Variants in GPHN observed in about 807,000 individuals in gnomAD.
The protein encoded by GPHN is gephyrin.
A neutral mutation model predicts 95.5 loss-of-function variants in GPHN; 17 were observed. The ratio of observed to expected loss-of-function variants is 0.18; its 90% CI spans 0.12 to 0.27. The LOEUF (loss-of-function observed/expected upper bound fraction) is 0.27, where lower values mean the gene tolerates loss of function less well. Among genes scored for constraint, GPHN ranks in the 10% least tolerant of loss-of-function variants. The pLI is 1.00. For missense variants in GPHN, 660 were observed against 978.1 expected (o/e 0.67, Z 4.34); for synonymous variants, 320 against 322.5 (o/e 0.99, Z 0.08).
At chr14:66,650,221 A>C (rs987546126) in intron 1 of GPHN, among the ~76,000 whole-genome samples, 11 of 152,204 alleles carry the variant, frequency 7.2e-5, no homozygotes, top group African/African-American at 2.4e-4. Context: ...GGCTGTCCAA[A>C]GCCATGAAAC....
At chr14:67,316,728 A>G in the GPHN span, 7 of 832,370 alleles carry the variant, frequency 8.4e-6, no homozygotes, top group Non-Finnish European at 9.2e-6. Context: ...GGAAGGGAAT[A>G]TAAGTGAAGA....
chr14:66,878,111 A>G (rs1192457236), intron 4 of GPHN, among the ~76,000 whole-genome samples: 1 of 152,208 alleles, frequency 6.6e-6, no homozygotes, highest in East Asian at 1.9e-4. Context: ...CCTGATAAAA[A>G]CAAGCAATGG....
the GPHN span, among the ~76,000 whole-genome samples, chr14:67,236,598 G>A: frequency 6.6e-6 from 1 of 152,250 alleles, no homozygotes; most frequent in South Asian, 2.1e-4. Flanking sequence ...AATTACACTG[G>A]TGCAGATAGT....
chr14:66,987,998 C>G (rs1183841127), intron 9 of GPHN, among the ~76,000 whole-genome samples: 1 of 152,064 alleles, frequency 6.6e-6, no homozygotes, highest in African/African-American at 2.4e-5. Flanking sequence ...GATACTCTCT[C>G]AGAGTAAATG....
At chr14:67,657,718 G>T in the GPHN span, among the ~76,000 whole-genome samples, 1 of 151,280 alleles carries the variant, frequency 6.6e-6, no homozygotes, top group Non-Finnish European at 1.5e-5. Flanking sequence ...TTGGCTCCCA[G>T]AACAGAAGTA....
intron 1 of GPHN, among the ~76,000 whole-genome samples, chr14:66,667,850 A>T (rs2066058012): frequency 6.6e-6 from 1 of 152,258 alleles, no homozygotes; most frequent in Non-Finnish European, 1.5e-5. Context: ...CAGAGTAAAT[A>T]GACAACCTAC....
At chr14:67,533,492 A>G in the GPHN span, 95,489 of 151,700 alleles carry the variant, frequency 0.63, 30,419 homozygotes, top group Non-Finnish European at 0.67. Flanking sequence ...CCTCGGGCCC[A>G]GAGGACGATC....
Position 66,725,993 on chromosome 14 carries a change from C to T in GPHN, c.143+44808C>T, listed in dbSNP as rs532526286. Among the ~76,000 whole-genome samples, 3 of 149,406 alleles carry T rather than the reference C, an allele frequency of 2.0e-5. No homozygotes were observed. The East Asian group carries it at 5.8e-4, about 29-fold the overall frequency. On this transcript the variant is annotated intron_variant, in intron 2 of 22. Coordinates refer to ENST00000478722, the MANE Select transcript of GPHN (RefSeq NM_020806.5). ...GCATAGTAATTGTTATTTTCATAAT[C>T]TCTAAATCAGTTTCTTCTGGGTTCT...
the GPHN span, among the ~76,000 whole-genome samples, chr14:67,370,176 G>C: frequency 6.6e-6 from 1 of 152,338 alleles, no homozygotes; most frequent in South Asian, 2.1e-4. Flanking sequence ...TGCCCTGGGC[G>C]GGCCAGGTGT....
chr14:67,642,166 C>T, the GPHN span: 1 of 1,610,372 alleles, frequency 6.2e-7, no homozygotes, highest in Non-Finnish European at 8.5e-7. Flanking sequence ...TTCATCTTGT[C>T]ATCCCTCATT....
the GPHN span, among the ~76,000 whole-genome samples, chr14:67,329,242 G>C: frequency 6.6e-6 from 1 of 152,156 alleles, no homozygotes; most frequent in Non-Finnish European, 1.5e-5. Flanking sequence ...TGTAGCAATT[G>C]TGAATGGGAG....
At chr14:66,795,122 A>G (rs2060110534) in intron 3 of GPHN, among the ~76,000 whole-genome samples, 1 of 152,218 alleles carries the variant, frequency 6.6e-6, no homozygotes, top group Non-Finnish European at 1.5e-5. Flanking sequence ...ATAGAGAGGC[A>G]CACTATCTTA....
chr14:67,068,591 G>A (rs1415233190), intron 11 of GPHN, among the ~76,000 whole-genome samples: 2 of 152,116 alleles, frequency 1.3e-5, no homozygotes, highest in Non-Finnish European at 1.5e-5. Flanking sequence ...GAAAAACTAT[G>A]AGCTTTTTTT....
intron 2 of GPHN, chr14:66,760,501 A>G (rs142427347): frequency 1.3e-4 from 29 of 217,110 alleles, no homozygotes; most frequent in South Asian, 4.7e-4. Context: ...AATAATTACA[A>G]TGGGTTGGTG....
At chr14:67,384,498 T>G in the GPHN span, 1 of 152,154 alleles carries the variant, frequency 6.6e-6, no homozygotes, top group African/African-American at 2.4e-5. Context: ...TGAGTTGCTT[T>G]GGTCTGCTTG....
rs2060110509 is a variant in GPHN at position 66,558,770 on chromosome 14, G to A, written c.64+50179G>A. ...TTATTATTATACTTTAAGTTTTAGG[G>A]TACCTGTGCACAATGTGCAGGTTAG... On this transcript the variant is annotated intron_variant, in intron 1 of 22. Transcript: ENST00000478722. 5.3e-5 allele frequency among the ~76,000 whole-genome samples: 8 copies of A among 151,400 alleles called. No homozygotes were observed. In the South Asian group the frequency reaches 1.7e-3, roughly 32 times the overall value.
the GPHN span, among the ~76,000 whole-genome samples, chr14:67,444,822 A>C: frequency 0.48 from 72,601 of 151,936 alleles, 19,345 homozygotes; most frequent in African/African-American, 0.72. Context: ...TGCAGTGGCA[A>C]AATCTTGGCT....
chr14:67,427,944 C>G, the GPHN span, among the ~76,000 whole-genome samples: 1 of 142,464 alleles, frequency 7.0e-6, no homozygotes, highest in East Asian at 2.0e-4. Context: ...TTTTTTGAGA[C>G]AAAGTCTCAC....
At chr14:67,711,468 G>A in the GPHN span, among the ~76,000 whole-genome samples, 1 of 152,086 alleles carries the variant, frequency 6.6e-6, no homozygotes, top group East Asian at 1.9e-4. Context: ...CTTGAAAAAG[G>A]ATTTGACTAG....
Sources: allele counts gnomAD v4.1 joint callset (sites outside exome capture counted in the v4.1 genomes callset), GRCh38; gene constraint gnomAD v4.1.1; transcripts MANE v1.5; gene names NCBI Gene and HGNC (gene_info 2026-07-23, HGNC 2026-07-21).